Variants in LRRC9 observed in about 807,000 individuals in gnomAD.
The protein encoded by LRRC9 is leucine rich repeat containing 9, also known as leucine-rich repeat-containing protein 9.
In LRRC9, 122 loss-of-function variants were observed where a neutral mutation model predicts 63.2. That is an observed-to-expected ratio of 1.93 (90% CI 1.67 to 2.24). The LOEUF (loss-of-function observed/expected upper bound fraction) is 2.24, where lower values mean the gene tolerates loss of function less well. Ranked by LOEUF, LRRC9 falls within the 30% of genes most tolerant of loss-of-function variation. LRRC9 has a pLI of 0.00. For synonymous variants in LRRC9, 366 were observed against 213.1 expected, an observed-to-expected ratio of 1.72 and a Z score of -6.25; for missense variants, 1,071 against 627.7, an observed-to-expected ratio of 1.71 and a Z score of -7.55.
At chr14:59,995,780 A>G (rs552023119) in intron 17 of LRRC9, among the ~76,000 whole-genome samples, 35 of 151,508 alleles carry the variant, frequency 2.3e-4, no homozygotes, top group Non-Finnish European at 2.8e-4. Flanking sequence ...ATGTTGCTCT[A>G]TAGCCAGGCT....
In LRRC9 at chr14:60,047,012, T is replaced by C. The variant is rs546574399; in HGVS notation, c.3991-6053T>C. ...TGTATTTCTAGGTACTTTATTCTTT[T>C]TGTAACAATTGTGATTGGGAGTTCC... is the stretch of plus-strand genomic sequence containing the variant. On this transcript the variant is annotated intron_variant, in intron 29 of 31. Transcript: ENST00000445360. Among the ~76,000 whole-genome samples, 3 of 152,296 alleles carry C rather than the reference T, an allele frequency of 2.0e-5. No individual in the cohort carries two copies. In the South Asian group the frequency reaches 6.2e-4, roughly 32 times the overall value.
chr14:59,972,937 A>C (rs575046198), intron 12 of LRRC9, among the ~76,000 whole-genome samples: 1 of 152,208 alleles, frequency 6.6e-6, no homozygotes, highest in South Asian at 2.1e-4. Flanking sequence ...CAACTGAAAA[A>C]TTTTATTATA....
Position 59,966,818 on chromosome 14 carries a change from G to T in LRRC9, c.1388+53G>T. ...ACTTTACAAAAGTGTGACTGTATTT[G>T]TAAAATTTCTATTTTAAAAGTTTAC... On this transcript the variant is annotated intron_variant, in intron 11 of 31. Coordinates refer to ENST00000445360, the Ensembl canonical transcript of LRRC9. This position sits in a 1 kb window ranked among gnomAD's most constrained non-coding sequence, Gnocchi z 4.0. The T allele has an allele frequency of 1.8e-6, 1 of 544,900 alleles. No homozygotes were observed. The highest frequency in any genetic ancestry group is 1.9e-5 in the African/African-American group (1 of 53,334). 33.8% of individuals were successfully genotyped at this position (544,900 alleles called of 1,614,324 possible). A position where few individuals can be genotyped will look rare whatever the true frequency, so the allele number is the denominator to read the frequency against.
chr14:59,982,162 G>A (rs1887000683), intron 16 of LRRC9, 102 bp downstream of exon 16: 1 of 614,630 alleles, frequency 1.6e-6, no homozygotes. Context: ...GTCTGATGAT[G>A]CCAGGTACAA....
At position 59,962,567 on chromosome 14, in the gene LRRC9, TA is replaced by T. The variant is rs1884456101; in HGVS notation, c.1211+1524del. 6.6e-6 allele frequency among the ~76,000 whole-genome samples: 1 copy of T among 152,106 alleles called. No individual in the cohort carries two copies. Among genetic ancestry groups the T allele is most frequent in the Non-Finnish European group, 1.5e-5 (1 of 68,014 alleles). On this transcript the variant is annotated intron_variant, in intron 10 of 31. Coordinates refer to ENST00000445360, the Ensembl canonical transcript of LRRC9. This position sits in a 1 kb window ranked among gnomAD's most constrained non-coding sequence, Gnocchi z 5.1. Reference sequence around the variant, plus strand: ...TATAGGTGCATGCCACCACACCCACTAATTTTTGTATTTTTAGTGGAGACGG... The same window carrying T: ...TATAGGTGCATGCCACCACACCCACTATTTTTGTATTTTTAGTGGAGACGG...
chr14:60,062,328 A>G (rs1416702870), intron 31 of LRRC9, 149 bp downstream of exon 32: 1 of 390,440 alleles, frequency 2.6e-6, no homozygotes, highest in African/African-American at 2.1e-5. Flanking sequence ...ATAGCATAAG[A>G]CTTCTTAATT....
At chr14:59,992,887 G>A (rs1447502883) in intron 17 of LRRC9, among the ~76,000 whole-genome samples, 4 of 152,214 alleles carry the variant, frequency 2.6e-5, no homozygotes, top group Non-Finnish European at 5.9e-5. Context: ...CACTCTGCAG[G>A]ATATTATCCA....
At position 60,000,039 on chromosome 14, in the gene LRRC9, A is replaced by G. The variant is rs1006955209; in HGVS notation, c.2529+813A>G. ...TCACAATAGCGAAATCACAGAATCA[A>G]CCTAGGTGCCCATCAGTGGTGGACT... On this transcript the variant is annotated intron_variant, in intron 19 of 31. Coordinates refer to ENST00000445360, the Ensembl canonical transcript of LRRC9. Among the ~76,000 whole-genome samples, 11 of 152,154 alleles carry G rather than the reference A, an allele frequency of 7.2e-5. 1 individual carries two copies. The highest frequency in any genetic ancestry group is 5.9e-4 in the Admixed American group (9 of 15,270).
rs1894580349 is a variant in LRRC9, at chr14:60,060,440, A to G, written c.4276+2418A>G. On this transcript the variant is annotated intron_variant, in intron 31 of 31. Transcript: ENST00000445360. The surrounding 1 kb of genome is among the most constrained non-coding windows in gnomAD (Gnocchi z 4.0). The stretch of plus-strand genomic sequence containing the variant: ...AAATATATTTTGTAAGGCTCTAACT[A>G]CCATAGACAGTGATTCCTAACCGGG... Among the ~76,000 whole-genome samples the G allele has an allele frequency of 6.6e-6, 1 of 152,088 alleles. No homozygotes were observed. Among genetic ancestry groups the G allele is most frequent in the Non-Finnish European group, 1.5e-5 (1 of 68,008 alleles).
chr14:60,028,409 T>C (rs1158740082), intron 28 of LRRC9, among the ~76,000 whole-genome samples: 2 of 152,078 alleles, frequency 1.3e-5, no homozygotes, highest in Non-Finnish European at 2.9e-5. Flanking sequence ...TTGGTCCAAG[T>C]TGTTTCTGAA....
chr14:59,995,339 G>A (rs1888644760), intron 17 of LRRC9, among the ~76,000 whole-genome samples: 1 of 152,130 alleles, frequency 6.6e-6, no homozygotes. Context: ...AAGATAAATG[G>A]CTATTTGCAA....
chr14:60,060,882 T>C lies in LRRC9; in HGVS notation c.4277-2441T>C, dbSNP rs928084992. On this transcript the variant is annotated intron_variant, in intron 31 of 31. Coordinates refer to ENST00000445360, the Ensembl canonical transcript of LRRC9. This position sits in a 1 kb window ranked among gnomAD's most constrained non-coding sequence, Gnocchi z 4.0. ...TCAGAGGAGGTCAAAATAGCAACCC[T>C]AATGGGAGTTTGGATGACTTTGAGG... 2.6e-5 allele frequency among the ~76,000 whole-genome samples: 4 copies of C among 152,126 alleles called. No individual in the cohort carries two copies. The highest frequency in any genetic ancestry group is 1.5e-5 in the Non-Finnish European group (1 of 68,016).
chr14:60,027,973 GA>G lies in LRRC9; in HGVS notation c.3794del (p.Asp1265AlafsTer30). 1 of 701,864 alleles carries G rather than the reference GA, an allele frequency of 1.4e-6. No individual in the cohort carries two copies. The highest frequency in any genetic ancestry group is 1.7e-5 in the African/African-American group (1 of 57,282). The allele number at this position is 701,864 out of a possible 1,614,324, so 43.5% of individuals were successfully genotyped here. On this transcript the variant is annotated frameshift_variant, in exon 28 of 32. Transcript: ENST00000445360. LOFTEE classifies it high-confidence loss of function. The surrounding 1 kb of genome is among the most constrained non-coding windows in gnomAD (Gnocchi z 4.0). ...CCATAACCGCATCCGATCATTTAAT[GA>G]CAGTGCTTTTGCCAAACCAAGTTCT...
rs1469146843 is a variant in LRRC9 at position 59,964,962 on chromosome 14, G to A, written c.1212-1627G>A. Among the ~76,000 whole-genome samples the A allele has an allele frequency of 6.6e-6, 1 of 152,174 alleles. No homozygotes were observed. The highest frequency in any genetic ancestry group is 2.4e-5 in the African/African-American group (1 of 41,442). ...GAAATATAGATGCCCTAAGTTAGGA[G>A]CTCAGCTATTAGGCTCAAGGAGAGA... On this transcript the variant is annotated intron_variant, in intron 10 of 31. Transcript: ENST00000445360. The surrounding 1 kb of genome is among the most constrained non-coding windows in gnomAD (Gnocchi z 4.4).
chr14:60,056,374 A>G (rs1894284151), intron 30 of LRRC9, among the ~76,000 whole-genome samples: 1 of 152,232 alleles, frequency 6.6e-6, no homozygotes, highest in South Asian at 2.1e-4. Flanking sequence ...TGAAGATCCC[A>G]ATTTTCATAT....
chr14:59,931,586 C>T (rs1481883048), intron 4 of LRRC9, 33 bp from the exon 5 acceptor site: 17 of 679,848 alleles, frequency 2.5e-5, no homozygotes, highest in Non-Finnish European at 3.7e-5. Context: ...TTTTAATTAT[C>T]TGTTCTAAAT....
chr14:59,977,041 T>C (rs1413286294), intron 13 of LRRC9, among the ~76,000 whole-genome samples, 184 bp from the exon 14 acceptor site: 1 of 152,198 alleles, frequency 6.6e-6, no homozygotes, highest in Non-Finnish European at 1.5e-5. Flanking sequence ...ATTCAACAAA[T>C]ATTTGTTGAG....
intron 27 of LRRC9, among the ~76,000 whole-genome samples, chr14:60,023,622 G>A (rs1008787077): frequency 6.6e-6 from 1 of 151,930 alleles, no homozygotes; most frequent in African/African-American, 2.4e-5. Flanking sequence ...TTTAGTTTTT[G>A]TTTAAATAAG....
intron 29 of LRRC9, among the ~76,000 whole-genome samples, chr14:60,034,638 G>C (rs992872345): frequency 6.6e-6 from 1 of 152,072 alleles, no homozygotes; most frequent in Non-Finnish European, 1.5e-5. Context: ...TTAACATAAT[G>C]GTTTCCAATT....
Sources: allele counts gnomAD v4.1 joint callset (sites outside exome capture counted in the v4.1 genomes callset), GRCh38; gene constraint gnomAD v4.1.1; non-coding constraint Gnocchi (gnomAD v3.1); transcripts MANE v1.5; gene names NCBI Gene and HGNC (gene_info 2026-07-23, HGNC 2026-07-21).